The following ADGRV1 variants were observed in gnomAD, a reference collection of about 807,000 sequenced individuals.
ADGRV1 encodes adhesion G protein-coupled receptor V1.
In ADGRV1, 359 loss-of-function variants were observed where a neutral mutation model predicts 596.2. The ratio of observed to expected loss-of-function variants is 0.60; its 90% CI spans 0.55 to 0.66. The LOEUF (loss-of-function observed/expected upper bound fraction) is 0.66. ADGRV1 is among the 30% of genes least tolerant of loss of function. The probability of loss-of-function intolerance (pLI) is 0.00; values close to 1 mark genes in which losing one functional copy is unlikely to be tolerated. For synonymous variants in ADGRV1, 2,681 were observed against 2,679.2 expected, an observed-to-expected ratio of 1.00 and a Z score of -0.02; for missense variants, 7,274 against 7,575.6, an observed-to-expected ratio of 0.96 and a Z score of 1.48.
In ADGRV1 at chr5:90,676,087, C is replaced by T; in HGVS notation, c.5321C>T (p.Ala1774Val). ...CAGTCTTTTATATTTCAGAATGTTG[C>T]TGGCACATTAGAATTTCAACCAGGA... is the stretch of plus-strand genomic sequence containing the variant. ...AFSPEDYQNV[A>V]GTLEFQPGER... The change falls in exon 25 of 90, where the codon GCT (alanine) becomes GTT (valine). Residue 1774 changes from alanine to valine, a missense_variant. Ala to Val is a moderately conservative substitution (Grantham distance 64). Transcript: ENST00000405460. 6.3e-7 allele frequency: 1 copy of T among 1,596,322 alleles called. No individual in the cohort carries two copies. Among genetic ancestry groups the T allele is most frequent in the Non-Finnish European group, 8.6e-7 (1 of 1,168,794 alleles).
chr5:90,974,462 A>G (rs911602133), intron 84 of ADGRV1, among the ~76,000 whole-genome samples: 7 of 152,220 alleles, frequency 4.6e-5, no homozygotes, highest in African/African-American at 1.7e-4. Context: ...GTACAAGGCT[A>G]CATTAACCAA....
intron 33 of ADGRV1, 130 bp from the exon 34 acceptor site, chr5:90,696,807 A>G: frequency 3.6e-6 from 2 of 559,680 alleles, no homozygotes; most frequent in Non-Finnish European, 3.1e-6. Flanking sequence ...GTTGCCCATG[A>G]TATGGAACTG....
intron 82 of ADGRV1, 71 bp downstream of exon 82, chr5:90,855,972 C>G (rs1164487014): frequency 1.2e-5 from 15 of 1,258,338 alleles, no homozygotes; most frequent in Admixed American, 7.4e-5. Context: ...TCCCATAATC[C>G]TTTTACGTAT....
chr5:90,872,142 G>C (rs374616608), intron 83 of ADGRV1, among the ~76,000 whole-genome samples: 1 of 152,050 alleles, frequency 6.6e-6, no homozygotes, highest in Non-Finnish European at 1.5e-5. Flanking sequence ...AGAATTTGGG[G>C]CCCCACCCTT....
Position 90,791,143 on chromosome 5 carries a change from T to G in ADGRV1, c.14314T>G (p.Ser4772Ala), listed in dbSNP as rs1157496098. ...GVFALYSDRQSILIGQNLIRS... is the reference protein window; with the variant it reads ...GVFALYSDRQAILIGQNLIRS... ...ATTTGCCCTGTATTCGGATCGCCAG[T>G]CAATACTTATTGGGCAGAACCTTAT... is the stretch of plus-strand genomic sequence containing the variant. The change falls in exon 70 of 90, where the codon TCA becomes GCA. Residue 4772 changes from serine (S) to alanine (A), a missense_variant. Physicochemically the swap from Ser to Ala is moderately conservative, Grantham distance 99 (BLOSUM62 1). Transcript: ENST00000405460. The G allele has an allele frequency of 3.1e-6, 5 of 1,613,854 alleles. No homozygotes were observed. Among genetic ancestry groups the G allele is most frequent in the Non-Finnish European group, 4.2e-6 (5 of 1,179,900 alleles).
chr5:90,946,533 G>A (rs1387546111), intron 83 of ADGRV1, among the ~76,000 whole-genome samples: 7 of 152,012 alleles, frequency 4.6e-5, no homozygotes, highest in Non-Finnish European at 1.0e-4. Flanking sequence ...GTGCTATGGT[G>A]GTTTGCTACA....
At chr5:90,637,238 T>A (rs1277545179) in intron 10 of ADGRV1, among the ~76,000 whole-genome samples, 1 of 152,196 alleles carries the variant, frequency 6.6e-6, no homozygotes, top group African/African-American at 2.4e-5. Flanking sequence ...TTTATCCTAT[T>A]GGTTAGAATT....
intron 15 of ADGRV1, among the ~76,000 whole-genome samples, chr5:90,645,295 C>A (rs562028709): frequency 2.0e-5 from 3 of 152,266 alleles, no homozygotes; most frequent in South Asian, 4.1e-4. Flanking sequence ...AGGAAGTGAA[C>A]CTTTCCTAGG....
rs1172943418 is a variant in ADGRV1 at position 90,653,288 on chromosome 5, C to T, written c.3714C>T (p.Pro1238=). ...VTVMVPFNDD[P]FGVFILDPEC... ...TAATGGTTCCATTCAATGATGATCC[C>T]TTTGGAGTTTTTATCTTGGATCCAG... The change falls in exon 20 of 90, where the codon CCC becomes CCT. Residue 1238 remains proline (P), a synonymous_variant. Coordinates refer to ENST00000405460, the MANE Select transcript of ADGRV1 (RefSeq NM_032119.4). 1.9e-6 allele frequency: 3 copies of T among 1,613,900 alleles called. No homozygotes were observed. Among genetic ancestry groups the T allele is most frequent in the Non-Finnish European group, 1.7e-6 (2 of 1,179,860 alleles).
At chr5:90,850,068 G>C (rs1214889303) in intron 79 of ADGRV1, among the ~76,000 whole-genome samples, 2 of 152,120 alleles carry the variant, frequency 1.3e-5, no homozygotes, top group Non-Finnish European at 2.9e-5. Flanking sequence ...TTAGTTCATG[G>C]AGAGGCCTGG....
chr5:90,558,969 G>A, intron 1 of ADGRV1, 52 bp downstream of exon 1: 2 of 1,515,750 alleles, frequency 1.3e-6, no homozygotes, highest in Non-Finnish European at 1.8e-6. Flanking sequence ...CCCCAGGGGA[G>A]CGCCTCAGCA....
At chr5:90,850,556 A>G (rs1766384033) in intron 79 of ADGRV1, 1 of 152,160 alleles carries the variant, frequency 6.6e-6, no homozygotes, top group Admixed American at 6.5e-5. Flanking sequence ...TGTGTAGTCA[A>G]GAATACCTGT....
At chr5:91,079,946 G>A (rs1298395203) in intron 86 of ADGRV1, among the ~76,000 whole-genome samples, 1 of 152,106 alleles carries the variant, frequency 6.6e-6, no homozygotes, top group Admixed American at 6.6e-5. Context: ...TTGCACCTTG[G>A]TGGTCCACAT....
Position 90,651,397 on chromosome 5 carries a change from C to T in ADGRV1, c.3290-207C>T, listed in dbSNP as rs556775608. Among the ~76,000 whole-genome samples the T allele has an allele frequency of 7.6e-5, 11 of 145,034 alleles. No individual in the cohort carries two copies. The South Asian group carries it at 2.4e-3, about 32-fold the overall frequency. On this transcript the variant is annotated intron_variant, in intron 17 of 89. Transcript: ENST00000405460. ...TGTAGGCATCTCTCTTTCTCTCTCT[C>T]TTTGTATGTATGTTTGTACTTATGT...
intron 1 of ADGRV1, among the ~76,000 whole-genome samples, chr5:90,561,070 G>A (rs1490538173): frequency 6.6e-6 from 1 of 152,158 alleles, no homozygotes; most frequent in Non-Finnish European, 1.5e-5. Flanking sequence ...TTGTATGCCA[G>A]GAATTCTCTT....
chr5:90,637,042 T>C (rs1766301895), intron 10 of ADGRV1, among the ~76,000 whole-genome samples: 2 of 152,192 alleles, frequency 1.3e-5, no homozygotes, highest in Non-Finnish European at 2.9e-5. Flanking sequence ...TTTATTTAGC[T>C]TATACTGTGG....
intron 83 of ADGRV1, among the ~76,000 whole-genome samples, chr5:90,911,367 A>G (rs1435094389): frequency 6.6e-6 from 1 of 152,182 alleles, no homozygotes; most frequent in Non-Finnish European, 1.5e-5. Flanking sequence ...AGGAAGCACC[A>G]GTGTGTCTCC....
At chr5:90,596,805 G>C (rs1010382428) in intron 1 of ADGRV1, among the ~76,000 whole-genome samples, 2 of 151,872 alleles carry the variant, frequency 1.3e-5, no homozygotes, top group East Asian at 1.9e-4. Flanking sequence ...GGAGACCATG[G>C]GGAGAGGGCG....
At chr5:90,833,858 T>C (rs967510474) in intron 77 of ADGRV1, among the ~76,000 whole-genome samples, 3 of 152,212 alleles carry the variant, frequency 2.0e-5, no homozygotes, top group African/African-American at 7.2e-5. Flanking sequence ...ATTTGACTTC[T>C]TCCTTTCCAA....
Sources: gnomAD v4.1 joint callset for allele counts (sites outside exome capture counted in the v4.1 genomes callset) on GRCh38, gnomAD v4.1.1 for gene constraint, MANE v1.5 for transcripts, NCBI Gene and HGNC (gene_info 2026-07-23, HGNC 2026-07-21) for gene names.